The following EXOC4 variants were observed in gnomAD, a reference collection of about 807,000 sequenced individuals.
EXOC4 encodes the protein exocyst complex component 4.
A neutral mutation model predicts 107.2 loss-of-function variants in EXOC4; 71 were observed. That is an observed-to-expected ratio of 0.66 (90% CI 0.55 to 0.81). The LOEUF (loss-of-function observed/expected upper bound fraction) is 0.81. EXOC4 is among the 30% of genes least tolerant of loss of function. The pLI, the probability that EXOC4 is intolerant of heterozygous loss-of-function variation, is 0.00. For missense variants in EXOC4, 1,108 were observed against 1,189.6 expected, an observed-to-expected ratio of 0.93 and a Z score of 1.01; for synonymous variants, 456 against 441.2, an observed-to-expected ratio of 1.03 and a Z score of -0.42.
intron 10 of EXOC4, among the ~76,000 whole-genome samples, chr7:133,699,992 G>T (rs975731552): frequency 6.6e-6 from 1 of 152,110 alleles, no homozygotes; most frequent in Admixed American, 6.5e-5. Context: ...TTGTCCCTTA[G>T]ATTTAGTCTG....
At chr7:133,654,722 T>A (rs1202908886) in intron 10 of EXOC4, among the ~76,000 whole-genome samples, 1 of 152,182 alleles carries the variant, frequency 6.6e-6, no homozygotes, top group Non-Finnish European at 1.5e-5. Context: ...CATGGGGATG[T>A]GTTCTGAGAA....
intron 1 of EXOC4, among the ~76,000 whole-genome samples, chr7:133,263,935 G>C (rs1274262554): frequency 6.6e-6 from 1 of 152,012 alleles, no homozygotes; most frequent in Non-Finnish European, 1.5e-5. Flanking sequence ...GCTTCAATTT[G>C]TATAACCCAG....
the EXOC4 span, among the ~76,000 whole-genome samples, chr7:134,075,019 A>G: frequency 1.3e-5 from 2 of 152,216 alleles, no homozygotes; most frequent in Non-Finnish European, 2.9e-5. Flanking sequence ...AAAAGTAAGC[A>G]AAGAAAGTGA....
chr7:133,435,992 T>C (rs1373519463), intron 7 of EXOC4, among the ~76,000 whole-genome samples: 2 of 151,976 alleles, frequency 1.3e-5, no homozygotes, highest in African/African-American at 2.4e-5. Context: ...ACTTGTCCTT[T>C]ATTCCTTAGA....
chr7:133,603,128 C>T (rs1801846847), intron 9 of EXOC4, among the ~76,000 whole-genome samples: 1 of 152,022 alleles, frequency 6.6e-6, no homozygotes. Flanking sequence ...TAATTTTACT[C>T]TTTCATCTGC....
At chr7:134,016,519 T>C (rs908108021) in intron 17 of EXOC4, among the ~76,000 whole-genome samples, 2 of 152,220 alleles carry the variant, frequency 1.3e-5, no homozygotes, top group African/African-American at 4.8e-5. Context: ...TTCTTCCCAA[T>C]AAATGGAAGC....
chr7:133,460,933 A>G (rs921704126), intron 7 of EXOC4, among the ~76,000 whole-genome samples: 5 of 152,158 alleles, frequency 3.3e-5, no homozygotes, highest in Admixed American at 6.6e-5. Flanking sequence ...GAAGAGAGAA[A>G]TACAGGAAAA....
chr7:133,364,037 A>G (rs1355614655), intron 6 of EXOC4, among the ~76,000 whole-genome samples: 2 of 152,172 alleles, frequency 1.3e-5, no homozygotes, highest in Non-Finnish European at 2.9e-5. Flanking sequence ...CTCTTGCTAT[A>G]GTCTCTAATC....
At chr7:133,798,073 G>A (rs999397445) in intron 10 of EXOC4, among the ~76,000 whole-genome samples, 91 of 152,034 alleles carry the variant, frequency 6.0e-4, no homozygotes, top group African/African-American at 2.2e-3. Context: ...AGCAGCCCAG[G>A]CAGAGGGACC....
At chr7:133,528,295 T>G (rs1315132649) in intron 9 of EXOC4, among the ~76,000 whole-genome samples, 1 of 152,084 alleles carries the variant, frequency 6.6e-6, no homozygotes, top group East Asian at 1.9e-4. Context: ...GTCCTCTAGA[T>G]TCGAGAGAAA....
chr7:133,478,705 A>G (rs1799078848), intron 8 of EXOC4, among the ~76,000 whole-genome samples: 1 of 152,002 alleles, frequency 6.6e-6, no homozygotes, highest in African/African-American at 2.4e-5. Flanking sequence ...AAGGTTAATT[A>G]AGTCTGTTTA....
chr7:133,669,259 C>A (rs1040623603), intron 10 of EXOC4, among the ~76,000 whole-genome samples: 1 of 151,830 alleles, frequency 6.6e-6, no homozygotes, highest in Admixed American at 6.6e-5. Flanking sequence ...GAGGAGGAGC[C>A]GCGGGATGTA....
chr7:133,809,643 T>C (rs1247906361), intron 10 of EXOC4, among the ~76,000 whole-genome samples: 3 of 152,208 alleles, frequency 2.0e-5, no homozygotes, highest in Admixed American at 1.3e-4. Flanking sequence ...ATACATGGAA[T>C]CAGCAGGAAA....
intron 5 of EXOC4, among the ~76,000 whole-genome samples, chr7:133,348,660 C>A (rs1054254709): frequency 2.6e-5 from 4 of 152,178 alleles, no homozygotes; most frequent in Admixed American, 2.6e-4. Context: ...CCCAAACATG[C>A]TGAATTTAGT....
chr7:133,918,503 A>G (rs1799862743), intron 13 of EXOC4, among the ~76,000 whole-genome samples: 1 of 152,192 alleles, frequency 6.6e-6, no homozygotes, highest in South Asian at 2.1e-4. Context: ...TGTCAGTTGG[A>G]CTTTCTGGAA....
chr7:133,945,501 G>A (rs1165559032), intron 14 of EXOC4, among the ~76,000 whole-genome samples: 1 of 152,144 alleles, frequency 6.6e-6, no homozygotes, highest in Admixed American at 6.5e-5. Context: ...GCCTTGCTTA[G>A]CAGTTGTTAG....
chr7:133,380,575 G>A (rs1796595292), intron 7 of EXOC4, among the ~76,000 whole-genome samples: 1 of 152,120 alleles, frequency 6.6e-6, no homozygotes, highest in South Asian at 2.1e-4. Flanking sequence ...TTTTGGAAAT[G>A]ACTTATTTTT....
chr7:134,093,718 A>T, the EXOC4 span, among the ~76,000 whole-genome samples: 1 of 152,198 alleles, frequency 6.6e-6, no homozygotes, highest in Non-Finnish European at 1.5e-5. Context: ...AAATTATACC[A>T]ACCATACTCT....
chr7:133,663,273 C>G (rs2151049024), intron 10 of EXOC4, among the ~76,000 whole-genome samples: 1 of 152,240 alleles, frequency 6.6e-6, no homozygotes. Flanking sequence ...CCCTCCATCT[C>G]CCTGACCTCT....
Sources: gnomAD v4.1 joint callset for allele counts (sites outside exome capture counted in the v4.1 genomes callset) on GRCh38, gnomAD v4.1.1 for gene constraint, MANE v1.5 for transcripts, NCBI Gene and HGNC (gene_info 2026-07-23, HGNC 2026-07-21) for gene names.